Variants in PPARA observed in about 807,000 individuals in gnomAD.
PPARA encodes peroxisome proliferator activated receptor alpha, also known as peroxisome proliferator-activated receptor alpha.
A neutral mutation model predicts 42.2 loss-of-function variants in PPARA; 22 were observed. The ratio of observed to expected loss-of-function variants is 0.52; its 90% confidence interval spans 0.37 to 0.74. The LOEUF (loss-of-function observed/expected upper bound fraction) is 0.74, where lower values mean the gene tolerates loss of function less well. Ranked by LOEUF, PPARA falls within the 30% of genes least tolerant of loss-of-function variation. The pLI is 0.00. For missense variants in PPARA, 465 were observed against 608.2 expected (o/e 0.76, Z 2.48); for synonymous variants, 242 against 239.3 (o/e 1.01, Z -0.10).
intron 7 of PPARA, among the ~76,000 whole-genome samples, chr22:46,229,900 G>A (rs748651397): frequency 1.3e-5 from 2 of 152,036 alleles, no homozygotes; most frequent in South Asian, 2.1e-4. Context: ...GATGGTTATC[G>A]GCACCTCCAC....
chr22:46,227,220 GC>G lies in PPARA; in HGVS notation c.712-4571del, dbSNP rs1935529145. Among the ~76,000 whole-genome samples, 1 of 151,754 alleles carries G rather than the reference GC, an allele frequency of 6.6e-6. No individual in the cohort carries two copies. Among genetic ancestry groups the G allele is most frequent in the African/African-American group, 2.4e-5 (1 of 41,166 alleles). On this transcript the variant is annotated intron_variant, in intron 7 of 8. Transcript: ENST00000407236. The surrounding 1 kb of genome is among the most constrained non-coding windows in gnomAD (Gnocchi z 4.3). The stretch of plus-strand genomic sequence containing the variant: ...AGCTTATTAAATAATTTCATCCAAA[GC>G]AGTTCTACCAGTGCTTCACATTTAT...
In PPARA at chr22:46,183,668, G is replaced by A. The variant is rs559941561; in HGVS notation, c.-43+6832G>A. On this transcript the variant is annotated intron_variant, in intron 3 of 8. Coordinates refer to ENST00000407236, the MANE Select transcript of PPARA (RefSeq NM_005036.6). This position sits in a 1 kb window ranked among gnomAD's most constrained non-coding sequence, Gnocchi z 5.5. Reference sequence around the variant, plus strand: ...GAGGTGGGAGGATCACTTGAGCCTGGGAGGTCGATATTGCAGTGAGCTGTA... The same window carrying A: ...GAGGTGGGAGGATCACTTGAGCCTGAGAGGTCGATATTGCAGTGAGCTGTA... 2.6e-5 allele frequency among the ~76,000 whole-genome samples: 4 copies of A among 152,312 alleles called. No homozygotes were observed. Among genetic ancestry groups the A allele is most frequent in the South Asian group, 2.1e-4 (1 of 4,830 alleles).
At position 46,180,042 on chromosome 22, in the gene PPARA, G is replaced by A. The variant is rs1338373618; in HGVS notation, c.-43+3206G>A. ...ATGTTCTACAACTTACACAGTGGTG[G>A]TATGATACCACTACATGCCCATTTG... On this transcript the variant is annotated intron_variant, in intron 3 of 8. Coordinates refer to ENST00000407236, the MANE Select transcript of PPARA (RefSeq NM_005036.6). This position sits in a 1 kb window ranked among gnomAD's most constrained non-coding sequence, Gnocchi z 4.2. Among the ~76,000 whole-genome samples the A allele has an allele frequency of 1.3e-5, 2 of 152,176 alleles. No homozygotes were observed. The highest frequency in any genetic ancestry group is 2.9e-5 in the Non-Finnish European group (2 of 68,032).
At position 46,205,256 on chromosome 22, in the gene PPARA, G is replaced by T. The variant is rs541260610; in HGVS notation, c.208+6665G>T. On this transcript the variant is annotated intron_variant, in intron 4 of 8. Transcript: ENST00000407236. ...TATTTGAGAGAGGGTCTCACCCTGA[G>T]CCCAGGCTGGAGTTCAGTGGCATGA... 4.0e-5 allele frequency among the ~76,000 whole-genome samples: 6 copies of T among 151,320 alleles called. No homozygotes were observed. The East Asian group carries it at 1.2e-3, about 29-fold the overall frequency.
chr22:46,189,154 C>A (rs1229182756), intron 3 of PPARA, among the ~76,000 whole-genome samples: 1 of 152,210 alleles, frequency 6.6e-6, no homozygotes, highest in Non-Finnish European at 1.5e-5. Context: ...TTGATTGCAA[C>A]GGACACAAAA....
chr22:46,198,237 C>CAAA (rs398037349), intron 3 of PPARA, 105 bp from the exon 4 acceptor site: 1,065 of 190,004 alleles, frequency 5.6e-3, no homozygotes, highest in Middle Eastern at 7.5e-3. Flanking sequence ...GACTCTGTCT[C>CAAA]AAAAAAAAAA....
At position 46,230,852 on chromosome 22, in the gene PPARA, A is replaced by G. The variant is rs184074722; in HGVS notation, c.712-940A>G. ...ACCTTTCTGAGTTGTATGTATTTAC[A>G]TGCCAAATGTATTCATTGAGCAGCG... On this transcript the variant is annotated intron_variant, in intron 7 of 8. Transcript: ENST00000407236. This position sits in a 1 kb window ranked among gnomAD's most constrained non-coding sequence, Gnocchi z 5.0. Among the ~76,000 whole-genome samples the G allele has an allele frequency of 5.9e-5, 9 of 152,362 alleles. No homozygotes were observed. Among genetic ancestry groups the G allele is most frequent in the Admixed American group, 5.2e-4 (8 of 15,302 alleles).
rs537714347 is a variant in PPARA, at chr22:46,150,660, GGGGCGGGCGGGCGGGC to G, written c.-210+16_-210+31del. 2.1e-5 allele frequency: 3 copies of G among 145,510 alleles called. No individual in the cohort carries two copies. Among genetic ancestry groups the G allele is most frequent in the Non-Finnish European group, 3.1e-5 (2 of 65,378 alleles). The allele number at this position is 145,510 out of a possible 1,614,324, so 9.0% of individuals were successfully genotyped here. ...CGGCGGACCGCGGCCCAGGTGCCCG[GGGGCGGGCGGGCGGGC>G]GGGCGGGAACGCGCGCGGGGGTCCG... On this transcript the variant is annotated intron_variant, in intron 1 of 8. Transcript: ENST00000407236. The surrounding 1 kb of genome is among the most constrained non-coding windows in gnomAD (Gnocchi z 7.5).
chr22:46,174,266 G>GAAGGAAGGAAGGAAGGAAGGAAGGAAGA (rs1555935220), intron 2 of PPARA, among the ~76,000 whole-genome samples: 13 of 64,756 alleles, frequency 2.0e-4, no homozygotes, highest in African/African-American at 7.1e-4. Flanking sequence ...AGGAAGGAAG[G>GAAGGAAGGAAGGAAGGAAGGAAGGAAGA]AAGGAAGGAA....
intron 4 of PPARA, among the ~76,000 whole-genome samples, chr22:46,207,674 A>ATTG (rs1370055842): frequency 1.6e-5 from 1 of 61,726 alleles, no homozygotes; most frequent in Non-Finnish European, 3.0e-5. Flanking sequence ...TATTATTATT[A>ATTG]TTATTTTTTT....
chr22:46,206,835 T>A (rs1050166868), intron 4 of PPARA, among the ~76,000 whole-genome samples: 1 of 152,210 alleles, frequency 6.6e-6, no homozygotes, highest in South Asian at 2.1e-4. Flanking sequence ...AAAGACTTCC[T>A]GTGATATTAT....
At position 46,225,078 on chromosome 22, in the gene PPARA, G is replaced by T. The variant is rs1480303608; in HGVS notation, c.711+5064G>T. Among the ~76,000 whole-genome samples the T allele has an allele frequency of 6.6e-6, 1 of 152,100 alleles. No individual in the cohort carries two copies. Among genetic ancestry groups the T allele is most frequent in the African/African-American group, 2.4e-5 (1 of 41,398 alleles). On this transcript the variant is annotated intron_variant, in intron 7 of 8. Coordinates refer to ENST00000407236, the MANE Select transcript of PPARA (RefSeq NM_005036.6). The surrounding 1 kb of genome is among the most constrained non-coding windows in gnomAD (Gnocchi z 4.1). ...AGGGTGCACGGAGGAGGCTGTGGGG[G>T]CAGGGGGAGGCCGCTGCATGGAGCC...
rs77907119 is a variant in PPARA at position 46,224,804 on chromosome 22, G to A, written c.711+4790G>A. On this transcript the variant is annotated intron_variant, in intron 7 of 8. Coordinates refer to ENST00000407236, the MANE Select transcript of PPARA (RefSeq NM_005036.6). The surrounding 1 kb of genome is among the most constrained non-coding windows in gnomAD (Gnocchi z 5.7). ...GTTCAAAGCCTTGATGGGGAAGCAC[G>A]GGGGATGGATAGATTTTAATTTCAA... 0.028 allele frequency among the ~76,000 whole-genome samples: 4,221 copies of A among 152,326 alleles called. 196 individuals are homozygous for A. The highest frequency in any genetic ancestry group is 0.096 in the African/African-American group (3,996 of 41,574).
At chr22:46,186,869 CT>C (rs1363301798) in intron 3 of PPARA, among the ~76,000 whole-genome samples, 1 of 152,100 alleles carries the variant, frequency 6.6e-6, no homozygotes, top group Non-Finnish European at 1.5e-5. Context: ...TGTTTTTTCC[CT>C]GTATATGCAT....
chr22:46,205,377 C>T (rs147418520), intron 4 of PPARA, among the ~76,000 whole-genome samples: 181 of 149,894 alleles, frequency 1.2e-3, no homozygotes, highest in Non-Finnish European at 2.1e-3. Context: ...CCACCATGCC[C>T]GGGTAAGTTT....
In PPARA at chr22:46,165,889, C is replaced by G. The variant is rs1162826225; in HGVS notation, c.-126-10864C>G. Among the ~76,000 whole-genome samples, 1 of 152,184 alleles carries G rather than the reference C, an allele frequency of 6.6e-6. No individual in the cohort carries two copies. The highest frequency in any genetic ancestry group is 1.5e-5 in the Non-Finnish European group (1 of 68,026). On this transcript the variant is annotated intron_variant, in intron 2 of 8. Transcript: ENST00000407236. The surrounding 1 kb of genome is among the most constrained non-coding windows in gnomAD (Gnocchi z 5.5). The stretch of plus-strand genomic sequence containing the variant: ...TGCATAAATTTCAGTCAGTGGCCAG[C>G]TGCAGTGGCTCATGCATGTAATCCC...
chr22:46,185,919 AT>A (rs1930687353), intron 3 of PPARA, among the ~76,000 whole-genome samples: 9 of 9,772 alleles, frequency 9.2e-4, no homozygotes, highest in East Asian at 2.8e-3. Flanking sequence ...AAAAAAAAAT[AT>A]ATATATATAT....
At chr22:46,164,369 C>T (rs1244419439) in intron 2 of PPARA, 1 of 151,940 alleles carries the variant, frequency 6.6e-6, no homozygotes, top group East Asian at 1.9e-4. Context: ...TCTACTGCCT[C>T]AGCCTCCTGA....
intron 2 of PPARA, among the ~76,000 whole-genome samples, chr22:46,174,002 A>G (rs1487176331): frequency 4.2e-5 from 5 of 119,988 alleles, no homozygotes; most frequent in Admixed American, 4.0e-4. Flanking sequence ...CAGGAGATCG[A>G]GACCCTCTCT....
Sources: allele counts gnomAD v4.1 joint callset (sites outside exome capture counted in the v4.1 genomes callset), GRCh38; gene constraint gnomAD v4.1.1; non-coding constraint Gnocchi (gnomAD v3.1); transcripts MANE v1.5; gene names NCBI Gene and HGNC (gene_info 2026-07-23, HGNC 2026-07-21).